The following NFYA variants were observed in gnomAD, a reference collection of about 807,000 sequenced individuals.
The protein encoded by NFYA is nuclear transcription factor Y subunit alpha.
Under a neutral mutation model 52.8 loss-of-function variants are expected in NFYA, and 28 were observed. The ratio of observed to expected loss-of-function variants is 0.53; its 90% CI spans 0.39 to 0.73. The LOEUF (loss-of-function observed/expected upper bound fraction) is 0.73. Ranked by LOEUF, NFYA falls within the 30% of genes least tolerant of loss-of-function variation. The probability of loss-of-function intolerance (pLI) is 0.00; values close to 1 mark genes in which losing one functional copy is unlikely to be tolerated. For synonymous variants in NFYA, 150 were observed against 150.7 expected, an observed-to-expected ratio of 1.00 and a Z score of 0.03; for missense variants, 234 against 427.0, an observed-to-expected ratio of 0.55 and a Z score of 3.98.
chr6:41,077,946 A>T (rs989251856), intron 1 of NFYA, among the ~76,000 whole-genome samples: 1 of 151,994 alleles, frequency 6.6e-6, no homozygotes, highest in Non-Finnish European at 1.5e-5. Context: ...ATTTTGATTA[A>T]ATTTTGTTAT....
rs1001914616 is a variant in NFYA at position 41,101,217 on chromosome 6, G to A, written c.*3807G>A. The A allele has an allele frequency of 1.3e-5, 2 of 152,266 alleles. No individual in the cohort carries two copies. The highest frequency in any genetic ancestry group is 1.3e-4 in the Admixed American group (2 of 15,292). The allele number at this position is 152,266 out of a possible 1,614,324, so 9.4% of individuals were successfully genotyped here. A position where few individuals can be genotyped will look rare whatever the true frequency, so the allele number is the denominator to read the frequency against. ...CCGGCACTTGCACTTAAGTCTCCTG[G>A]CCTGCGGGAGAGGCGGCCGTTGGGT... On this transcript the variant is annotated 3_prime_UTR_variant, in exon 10 of 10. Coordinates refer to ENST00000341376, the MANE Select transcript of NFYA (RefSeq NM_002505.5).
In NFYA at chr6:41,100,540, G is replaced by T. The variant is rs1281236400; in HGVS notation, c.*3130G>T. 1.3e-5 allele frequency among the ~76,000 whole-genome samples: 2 copies of T among 152,178 alleles called. No homozygotes were observed. Among genetic ancestry groups the T allele is most frequent in the African/African-American group, 4.8e-5 (2 of 41,450 alleles). On this transcript the variant is annotated 3_prime_UTR_variant, in exon 10 of 10. Transcript: ENST00000341376. ...ACTCAATGATGAGAGCAGTAGACCT[G>T]CCCTGGCAGATGAGAGAGGAGAAAC...
chr6:41,091,439 A>C, intron 6 of NFYA, 89 bp from the exon 7 acceptor site: 1 of 1,329,954 alleles, frequency 7.5e-7, no homozygotes, highest in East Asian at 2.4e-5. Flanking sequence ...CGGTGAGTGT[A>C]TACCAGATAG....
In NFYA at chr6:41,100,659, C is replaced by A. The variant is rs1183271241; in HGVS notation, c.*3249C>A. Among the ~76,000 whole-genome samples the A allele has an allele frequency of 3.9e-5, 6 of 152,330 alleles. No individual in the cohort carries two copies. Among genetic ancestry groups the A allele is most frequent in the African/African-American group, 1.4e-4 (6 of 41,570 alleles). ...TAGATTTATGCCAGTGGAACCTGTCCTTACCAAATTCAGAGATGACCCAAG... is the reference window on the plus strand; with the variant it reads ...TAGATTTATGCCAGTGGAACCTGTCATTACCAAATTCAGAGATGACCCAAG... On this transcript the variant is annotated 3_prime_UTR_variant, in exon 10 of 10. Transcript: ENST00000341376.
rs1394502456 is a variant in NFYA, at chr6:41,089,564, T to C, written c.310-15T>C. 6.3e-7 allele frequency: 1 copy of C among 1,596,512 alleles called. No individual in the cohort carries two copies. The highest frequency in any genetic ancestry group is 2.3e-5 in the East Asian group (1 of 44,372). ...TCAGTAGAGTACAATCCTTTTTTTATGTTCTTTTCTGCAGATACAGTTGGT... is the reference window on the plus strand; with the variant it reads ...TCAGTAGAGTACAATCCTTTTTTTACGTTCTTTTCTGCAGATACAGTTGGT... On this transcript the variant is annotated splice_polypyrimidine_tract_variant and intron_variant, in intron 4 of 9. Transcript: ENST00000341376.
chr6:41,073,018 G>C lies in NFYA; in HGVS notation c.-128G>C, dbSNP rs1763557330. ...GGCGGCAGCGGCGGCTGGAGCCTCT[G>C]ATTGGGTTTCGGAGTCCGGTACTGG... is the stretch of plus-strand genomic sequence containing the variant. On this transcript the variant is annotated 5_prime_UTR_variant, in exon 1 of 10. Transcript: ENST00000341376. 6.5e-6 allele frequency: 1 copy of C among 155,038 alleles called. No homozygotes were observed. The highest frequency in any genetic ancestry group is 2.4e-5 in the African/African-American group (1 of 41,514). 9.6% of individuals were successfully genotyped at this position (155,038 alleles called of 1,614,324 possible).
At position 41,080,913 on chromosome 6, in the gene NFYA, A is replaced by G. The variant is rs1274890472; in HGVS notation, c.162+16A>G. 1.9e-6 allele frequency: 3 copies of G among 1,604,900 alleles called. No homozygotes were observed. Among genetic ancestry groups the G allele is most frequent in the Non-Finnish European group, 2.6e-6 (3 of 1,171,768 alleles). Reference sequence around the variant, plus strand: ...CCTCCAGGTAGTGGTACCCTCTCTGATTCTCTGTGAGCACTGCATGAACTT... The same window carrying G: ...CCTCCAGGTAGTGGTACCCTCTCTGGTTCTCTGTGAGCACTGCATGAACTT... On this transcript the variant is annotated intron_variant, in intron 3 of 9. Transcript: ENST00000341376.
rs1364262646 is a variant in NFYA at position 41,101,057 on chromosome 6, G to C, written c.*3647G>C. 1.3e-5 allele frequency: 2 copies of C among 152,290 alleles called. No homozygotes were observed. The highest frequency in any genetic ancestry group is 4.8e-5 in the African/African-American group (2 of 41,480). The allele number at this position is 152,290 out of a possible 1,614,324, so 9.4% of individuals were successfully genotyped here. A position where few individuals can be genotyped will look rare whatever the true frequency, so the allele number is the denominator to read the frequency against. On this transcript the variant is annotated 3_prime_UTR_variant, in exon 10 of 10. Transcript: ENST00000341376. The stretch of plus-strand genomic sequence containing the variant: ...GCGAGCGGCATGCGACGCCGCCTCT[G>C]TGGCCTGTGGAGGCCCGCTTGGCGG...
At chr6:41,095,736 C>T (rs1329668829) in intron 9 of NFYA, among the ~76,000 whole-genome samples, 1 of 152,184 alleles carries the variant, frequency 6.6e-6, no homozygotes, top group Non-Finnish European at 1.5e-5. Flanking sequence ...TGGCCCTTTT[C>T]TTTACAGTGT....
intron 3 of NFYA, among the ~76,000 whole-genome samples, chr6:41,082,507 G>A (rs1463486733): frequency 1.3e-5 from 2 of 152,136 alleles, no homozygotes; most frequent in Admixed American, 6.5e-5. Context: ...TCATGTGCAC[G>A]AATAGCACAT....
intron 1 of NFYA, among the ~76,000 whole-genome samples, chr6:41,075,923 G>A (rs1013840940): frequency 2.6e-5 from 4 of 152,118 alleles, no homozygotes; most frequent in Admixed American, 6.5e-5. Context: ...AACAGTGTCT[G>A]GCACATGGTA....
chr6:41,073,293 G>A (rs941476843), intron 1 of NFYA, among the ~76,000 whole-genome samples: 3 of 151,606 alleles, frequency 2.0e-5, no homozygotes, highest in East Asian at 2.0e-4. Context: ...GGGCCGCCCC[G>A]CGCGGGGATG....
intron 4 of NFYA, among the ~76,000 whole-genome samples, chr6:41,086,208 A>G (rs1037402287): frequency 3.1e-5 from 3 of 95,504 alleles, no homozygotes; most frequent in Non-Finnish European, 5.9e-5. Flanking sequence ...TAGTGGTCCA[A>G]GCTTTCATTA....
chr6:41,078,730 C>G (rs996209383), intron 1 of NFYA, among the ~76,000 whole-genome samples: 1 of 152,142 alleles, frequency 6.6e-6, no homozygotes, highest in African/African-American at 2.4e-5. Context: ...GTTAGGTATG[C>G]CTTGTATCAA....
At chr6:41,086,416 T>G (rs1764045062) in intron 4 of NFYA, among the ~76,000 whole-genome samples, 1 of 152,194 alleles carries the variant, frequency 6.6e-6, no homozygotes, top group Non-Finnish European at 1.5e-5. Flanking sequence ...GGGCTATAAC[T>G]AACCAAGCTG....
chr6:41,082,003 A>G (rs1763923693), intron 3 of NFYA, among the ~76,000 whole-genome samples: 1 of 152,244 alleles, frequency 6.6e-6, no homozygotes, highest in Non-Finnish European at 1.5e-5. Flanking sequence ...TTTTATTAAA[A>G]TAACTCTATT....
intron 4 of NFYA, among the ~76,000 whole-genome samples, chr6:41,089,024 C>T (rs551216839): frequency 4.6e-5 from 7 of 152,040 alleles, no homozygotes; most frequent in South Asian, 2.1e-4. Context: ...CTCGCTCTGT[C>T]GCCCAGGCTG....
intron 1 of NFYA, chr6:41,075,295 CCTT>C (rs1486994256): frequency 6.6e-6 from 1 of 152,228 alleles, no homozygotes; most frequent in African/African-American, 2.4e-5. Context: ...AGCCATCCTC[CCTT>C]CTTGTTCTCC....
intron 1 of NFYA, among the ~76,000 whole-genome samples, chr6:41,073,383 G>T (rs1382076671): frequency 6.6e-6 from 1 of 151,846 alleles, no homozygotes; most frequent in Non-Finnish European, 1.5e-5. Context: ...CCTGTTCCCC[G>T]ACTCAGGCCC....
Sources: allele counts gnomAD v4.1 joint callset (sites outside exome capture counted in the v4.1 genomes callset), GRCh38; gene constraint gnomAD v4.1.1; transcripts MANE v1.5; gene names NCBI Gene and HGNC (gene_info 2026-07-23, HGNC 2026-07-21).